The following PLA1A variants were observed in gnomAD, a reference collection of about 807,000 sequenced individuals.
PLA1A encodes phospholipase A1 member A.
PLA1A carries 47 observed loss-of-function variants against 49.4 expected under a neutral mutation model. The ratio of observed to expected loss-of-function variants is 0.95; its 90% CI spans 0.75 to 1.21. PLA1A has a LOEUF of 1.21. Ranked by LOEUF, PLA1A falls within the 50% of genes most tolerant of loss-of-function variation. The pLI is 0.00. For missense variants in PLA1A, 561 were observed against 563.9 expected (o/e 0.99, Z 0.05); for synonymous variants, 224 against 207.9 (o/e 1.08, Z -0.67).
chr3:119,613,044 C>T lies in PLA1A; in HGVS notation c.590C>T (p.Thr197Ile), dbSNP rs199916771. Residue 197 changes from threonine to isoleucine, a missense_variant, in exon 5 of 11, where the codon ACC (threonine) becomes ATC (isoleucine). By Grantham distance (89) the Thr-to-Ile change is moderately conservative. Transcript: ENST00000273371. ...CTGGACCCCGCTGGACCTGAGTACA[C>T]CAGGGCCAGTGTGGAAGAGCGCTTG... ...TGLDPAGPEYTRASVEERLDA... is the reference protein window; with the variant it reads ...TGLDPAGPEYIRASVEERLDA... 24 of 1,605,106 alleles carry T rather than the reference C, an allele frequency of 1.5e-5. No homozygotes were observed. In the Admixed American group the frequency reaches 2.9e-4, roughly 19 times the overall value.
At chr3:119,617,991 A>G (rs2082873904) in intron 6 of PLA1A, 28 bp from the exon 7 acceptor site, 1 of 1,566,284 alleles carries the variant, frequency 6.4e-7, no homozygotes, top group South Asian at 1.2e-5. Context: ...CTTGACTGAA[A>G]CCTTGGTTGT....
intron 2 of PLA1A, among the ~76,000 whole-genome samples, chr3:119,607,367 C>T (rs1460332018): frequency 3.3e-5 from 5 of 152,182 alleles, no homozygotes; most frequent in African/African-American, 7.2e-5. Flanking sequence ...TGTGATGGAG[C>T]TATGCACGTC....
chr3:119,608,746 A>G (rs774016862), intron 2 of PLA1A, 24 bp from the exon 3 acceptor site: 4 of 1,576,236 alleles, frequency 2.5e-6, no homozygotes, highest in South Asian at 1.1e-5. Flanking sequence ...TAATTTTTCC[A>G]TTCTTTTTTG....
rs751461202 is a variant in PLA1A at position 119,619,603 on chromosome 3, C to T, written c.963C>T (p.Pro321=). The T allele has an allele frequency of 1.2e-6, 2 of 1,613,740 alleles. No individual in the cohort carries two copies. The highest frequency in any genetic ancestry group is 1.7e-5 in the Admixed American group (1 of 60,006). ...GTGGTGTCAAGATAGAGCCGCTCCC[C>T]AAGGAAGTGAAAGTCTACCTCCTGA... ...EQGGVKIEPL[P]KEVKVYLLTT... The change falls in exon 8 of 11, where the codon CCC becomes CCT. Residue 321 remains proline (P), a synonymous_variant. Transcript: ENST00000273371.
chr3:119,629,766 C>CAGGGT lies in PLA1A; in HGVS notation c.*300_*304dup, dbSNP rs1238237057. On this transcript the variant is annotated 3_prime_UTR_variant, in exon 11 of 11. Transcript: ENST00000273371. ...ACTTAGGATTCAATAGAAACATGTA[C>CAGGGT]AGGGTAAACAATTTTTTAAAAATAA... 2.9e-6 allele frequency: 1 copy of CAGGGT among 341,270 alleles called. No homozygotes were observed. Among genetic ancestry groups the CAGGGT allele is most frequent in the Non-Finnish European group, 5.3e-6 (1 of 187,902 alleles). 21.1% of individuals were successfully genotyped at this position (341,270 alleles called of 1,614,324 possible). A position where few individuals can be genotyped will look rare whatever the true frequency, so the allele number is the denominator to read the frequency against.
In PLA1A at chr3:119,628,807, A is replaced by G; in HGVS notation, c.1228A>G (p.Lys410Glu). The G allele has an allele frequency of 6.2e-7, 1 of 1,614,178 alleles. No individual in the cohort carries two copies. Among genetic ancestry groups the G allele is most frequent in the Non-Finnish European group, 8.5e-7 (1 of 1,180,004 alleles). Residue 410 changes from lysine (K) to glutamate (E), a missense_variant, in exon 10 of 11, where the codon AAA (lysine) becomes GAA (glutamate). By Grantham distance (56) the Lys-to-Glu change is moderately conservative. Transcript: ENST00000273371. ...TCAGTCTTCCAACCGAGTTTGGAAAAAAGACCGGACTACCATTATTGGGAA... is the reference window on the plus strand; with the variant it reads ...TCAGTCTTCCAACCGAGTTTGGAAAGAAGACCGGACTACCATTATTGGGAA... The part of the protein sequence containing the change: ...KFQSSNRVWK[K>E]DRTTIIGKFC...
At chr3:119,600,771 A>T (rs1403270560) in intron 1 of PLA1A, among the ~76,000 whole-genome samples, 1 of 152,248 alleles carries the variant, frequency 6.6e-6, no homozygotes, top group Non-Finnish European at 1.5e-5. Flanking sequence ...CTGGCTGCTG[A>T]TGCCTCAATC....
intron 3 of PLA1A, 61 bp from the exon 4 acceptor site, chr3:119,609,407 G>A: frequency 9.7e-7 from 1 of 1,029,184 alleles, no homozygotes; most frequent in Non-Finnish European, 1.5e-6. Context: ...GGGAAAGCCT[G>A]CCACTGTGAA....
At chr3:119,627,500 C>T (rs970971358) in intron 9 of PLA1A, among the ~76,000 whole-genome samples, 12 of 152,214 alleles carry the variant, frequency 7.9e-5, no homozygotes, top group Non-Finnish European at 1.6e-4. Flanking sequence ...CATGATCTTC[C>T]CTCAGAAGGA....
intron 8 of PLA1A, among the ~76,000 whole-genome samples, chr3:119,623,864 A>G (rs1577155181): frequency 6.6e-6 from 1 of 151,240 alleles, no homozygotes; most frequent in Non-Finnish European, 1.5e-5. Flanking sequence ...AGCTGGGGTT[A>G]CAGGTGCCTG....
chr3:119,615,881 T>C, intron 5 of PLA1A, 131 bp from the exon 6 acceptor site: 1 of 642,734 alleles, frequency 1.6e-6, no homozygotes, highest in South Asian at 1.8e-5. Flanking sequence ...TGAGGGCTCA[T>C]CCTGTGAAGT....
At chr3:119,601,673 C>A (rs1360139170) in intron 1 of PLA1A, among the ~76,000 whole-genome samples, 2 of 152,140 alleles carry the variant, frequency 1.3e-5, no homozygotes, top group East Asian at 3.9e-4. Flanking sequence ...AACTTTATAA[C>A]TTTTATCCCA....
chr3:119,604,651 T>A (rs1319677266), intron 1 of PLA1A, among the ~76,000 whole-genome samples: 2 of 152,152 alleles, frequency 1.3e-5, no homozygotes, highest in Non-Finnish European at 2.9e-5. Flanking sequence ...AGAATATACA[T>A]GTATTTATTA....
At chr3:119,620,069 T>C (rs1234464421) in intron 8 of PLA1A, 1 of 458,558 alleles carries the variant, frequency 2.2e-6, no homozygotes, top group East Asian at 6.9e-5. Flanking sequence ...CTCCTTCCCC[T>C]TCACAGATGC....
chr3:119,625,927 G>T (rs945536734), intron 9 of PLA1A, among the ~76,000 whole-genome samples: 1 of 152,140 alleles, frequency 6.6e-6, no homozygotes, highest in African/African-American at 2.4e-5. Context: ...AAAAGCAACC[G>T]GTTAGTTATT....
At chr3:119,608,254 AAGAAAG>A (rs2082718562) in intron 2 of PLA1A, among the ~76,000 whole-genome samples, 1 of 125,162 alleles carries the variant, frequency 8.0e-6, no homozygotes, top group Admixed American at 7.8e-5. Flanking sequence ...GAAAGAAAGA[AAGAAAG>A]AAAGAAAGAA....
chr3:119,616,139 G>A (rs2247660), intron 6 of PLA1A, 38 bp downstream of exon 6: 688,334 of 1,300,164 alleles, frequency 0.53, 190,330 homozygotes, highest in East Asian at 0.88. Flanking sequence ...TGGCAACCCC[G>A]GAGATTGAAA....
intron 7 of PLA1A, 130 bp from the exon 8 acceptor site, chr3:119,619,433 C>T: frequency 2.8e-6 from 2 of 708,512 alleles, no homozygotes; most frequent in Non-Finnish European, 5.2e-6. Context: ...GAATACAGCA[C>T]ATAGTGCGTG....
rs115833860 is a variant in PLA1A, at chr3:119,619,440, C to A, written c.923-123C>A. 22 of 723,972 alleles carry A rather than the reference C, an allele frequency of 3.0e-5. No homozygotes were observed. The East Asian group carries it at 5.4e-4, about 18-fold the overall frequency. 44.8% of individuals were successfully genotyped at this position (723,972 alleles called of 1,614,324 possible). ...TCACCTTAGAATACAGCACATAGTG[C>A]GTGTATGGTGTAGATGTCCGTGGAA... On this transcript the variant is annotated intron_variant, in intron 7 of 10. Coordinates refer to ENST00000273371, the MANE Select transcript of PLA1A (RefSeq NM_015900.4).
Sources: allele counts gnomAD v4.1 joint callset (sites outside exome capture counted in the v4.1 genomes callset), GRCh38; gene constraint gnomAD v4.1.1; transcripts MANE v1.5; gene names NCBI Gene and HGNC (gene_info 2026-07-23, HGNC 2026-07-21).